Variants in FRY observed in about 807,000 individuals in gnomAD.
FRY encodes the protein protein furry homolog.
FRY carries 128 observed loss-of-function variants against 348.4 expected under a neutral mutation model. The ratio of observed to expected loss-of-function variants is 0.37; its 90% CI spans 0.32 to 0.43. The LOEUF (loss-of-function observed/expected upper bound fraction) is 0.43. Ranked by LOEUF, FRY falls within the 20% of genes least tolerant of loss-of-function variation. The pLI, the probability that FRY is intolerant of heterozygous loss-of-function variation, is 1.00. For missense variants in FRY, 2,736 were observed against 3,695.2 expected, an observed-to-expected ratio of 0.74 and a Z score of 6.73; for synonymous variants, 1,370 against 1,374.7, an observed-to-expected ratio of 1.00 and a Z score of 0.08.
At chr13:32,193,720 G>A (rs1883497348) in intron 28 of FRY, among the ~76,000 whole-genome samples, 1 of 151,392 alleles carries the variant, frequency 6.6e-6, no homozygotes, top group South Asian at 2.1e-4. Flanking sequence ...TGAGTAGCTG[G>A]GACTACAGGC....
chr13:32,221,571 G>A (rs1214852037), intron 36 of FRY, among the ~76,000 whole-genome samples: 4 of 152,222 alleles, frequency 2.6e-5, no homozygotes, highest in Admixed American at 6.5e-5. Context: ...ATAGTGCAAT[G>A]TCACGATCTT....
At chr13:32,285,625 G>A (rs185948886) in intron 58 of FRY, among the ~76,000 whole-genome samples, 128 of 152,212 alleles carry the variant, frequency 8.4e-4, no homozygotes, top group Non-Finnish European at 1.5e-3. Context: ...TTATAACCTC[G>A]TTTTGGAAAG....
At chr13:32,230,147 G>A (rs1359324094) in intron 40 of FRY, among the ~76,000 whole-genome samples, 1 of 152,160 alleles carries the variant, frequency 6.6e-6, no homozygotes, top group Non-Finnish European at 1.5e-5. Flanking sequence ...GGGGTTTGTT[G>A]TACAGGCTAT....
intron 11 of FRY, among the ~76,000 whole-genome samples, chr13:32,145,671 A>C (rs976661970): frequency 8.6e-5 from 13 of 150,722 alleles, no homozygotes; most frequent in Non-Finnish European, 1.3e-4. Flanking sequence ...CAGCCTCCCG[A>C]GTAGCTGGGA....
Position 32,237,547 on chromosome 13 carries a change from A to C in FRY, c.5979A>C (p.Arg1993=), listed in dbSNP as rs769015907. Reference sequence around the variant, plus strand: ...CCAAGAAGTTTGGTGTCATCGACCGATCCTCTGACCCACCTCGAAGTGCCA... The same window carrying C: ...CCAAGAAGTTTGGTGTCATCGACCGCTCCTCTGACCCACCTCGAAGTGCCA... The part of the protein sequence containing the change: ...SVPKKFGVID[R]SSDPPRSATL... The change falls in exon 44 of 61, where the codon CGA becomes CGC. Residue 1993 remains arginine (R), a synonymous_variant. Coordinates refer to ENST00000542859, the MANE Select transcript of FRY (RefSeq NM_023037.3). The surrounding 1 kb of genome is among the most constrained non-coding windows in gnomAD (Gnocchi z 6.3). 1 of 1,614,036 alleles carries C rather than the reference A, an allele frequency of 6.2e-7. No individual in the cohort carries two copies. The highest frequency in any genetic ancestry group is 1.1e-5 in the South Asian group (1 of 91,070).
chr13:32,110,782 G>A (rs1430432036), intron 3 of FRY, among the ~76,000 whole-genome samples: 2 of 152,082 alleles, frequency 1.3e-5, no homozygotes, highest in Non-Finnish European at 2.9e-5. Context: ...ATGTTTTTCT[G>A]TTTGAAGTAT....
intron 54 of FRY, among the ~76,000 whole-genome samples, chr13:32,266,963 G>A (rs544609238): frequency 7.9e-5 from 12 of 152,218 alleles, no homozygotes; most frequent in East Asian, 1.9e-4. Context: ...CAGCCTGGGC[G>A]ACAGAGCGAG....
At chr13:32,157,614 T>A (rs536869616) in intron 16 of FRY, among the ~76,000 whole-genome samples, 3 of 152,352 alleles carry the variant, frequency 2.0e-5, no homozygotes, top group African/African-American at 7.2e-5. Flanking sequence ...ATCTCAAGTA[T>A]CACTAGGTCA....
At chr13:32,068,448 C>T (rs1307552517) in intron 1 of FRY, among the ~76,000 whole-genome samples, 3 of 152,124 alleles carry the variant, frequency 2.0e-5, no homozygotes, top group Admixed American at 6.5e-5. Context: ...TCTTCCTTTG[C>T]GCACGGATCT....
At chr13:32,142,956 G>C (rs1257494698) in intron 11 of FRY, among the ~76,000 whole-genome samples, 4 of 152,146 alleles carry the variant, frequency 2.6e-5, no homozygotes, top group African/African-American at 9.7e-5. Context: ...TGGGACAGGA[G>C]TAGAGGGGCA....
At chr13:32,278,587 T>G in intron 58 of FRY, 39 bp downstream of exon 58, 1 of 1,044,890 alleles carries the variant, frequency 9.6e-7, no homozygotes. Context: ...TTGTGTGCTC[T>G]AACATTGTGT....
intron 3 of FRY, among the ~76,000 whole-genome samples, chr13:32,114,152 T>A (rs960522642): frequency 1.3e-5 from 2 of 152,234 alleles, no homozygotes; most frequent in African/African-American, 2.4e-5. Flanking sequence ...TTTATGGGTC[T>A]GTAGTGAGTA....
intron 35 of FRY, among the ~76,000 whole-genome samples, chr13:32,213,261 G>A (rs1218505126): frequency 6.6e-6 from 1 of 152,174 alleles, no homozygotes; most frequent in Non-Finnish European, 1.5e-5. Context: ...GTGTATTGGG[G>A]CACAGTAGGG....
intron 2 of FRY, among the ~76,000 whole-genome samples, chr13:32,085,163 C>T (rs1423188916): frequency 6.6e-6 from 1 of 152,176 alleles, no homozygotes. Flanking sequence ...CAGCCTCCTA[C>T]TTTCAGGCAT....
intron 11 of FRY, among the ~76,000 whole-genome samples, chr13:32,142,843 C>A (rs1391863190): frequency 6.6e-6 from 1 of 152,104 alleles, no homozygotes; most frequent in African/African-American, 2.4e-5. Flanking sequence ...ATGAACAAAT[C>A]AGAATGCCTG....
At chr13:32,223,243 C>T (rs938247835) in intron 36 of FRY, among the ~76,000 whole-genome samples, 3 of 152,118 alleles carry the variant, frequency 2.0e-5, no homozygotes, top group Non-Finnish European at 1.5e-5. Flanking sequence ...CAGGGGTGAG[C>T]TACCGCGACC....
At chr13:32,058,752 A>G (rs753151622) in intron 1 of FRY, among the ~76,000 whole-genome samples, 16 of 152,234 alleles carry the variant, frequency 1.1e-4, no homozygotes, top group African/African-American at 1.7e-4. Context: ...GAATTCAGCT[A>G]TATTTTGGAT....
chr13:32,242,093 A>G (rs1009464381), intron 46 of FRY, among the ~76,000 whole-genome samples: 1 of 152,230 alleles, frequency 6.6e-6, no homozygotes, highest in African/African-American at 2.4e-5. Flanking sequence ...TTGCTTAACC[A>G]TCTCCCTTTT....
At position 32,078,980 on chromosome 13, in the gene FRY, A is replaced by G; in HGVS notation, c.217A>G (p.Asn73Asp). The change falls in exon 2 of 61, where the codon AAC (asparagine) becomes GAC (aspartate). Residue 73 changes from asparagine (N) to aspartate (D), a missense_variant. Around this residue, in one of 9 missense-constraint regions of FRY, gnomAD observed 309 missense variants for 418.1 expected, o/e 0.74. Transcript: ENST00000542859. The part of the protein sequence containing the change: ...GEYVLKSLFV[N>D]FTTQAERKIR... ...ATATGTCCTCAAAAGTTTATTTGTCAACTTCACCACTCAGGCTGAACGCAA... is the reference window on the plus strand; with the variant it reads ...ATATGTCCTCAAAAGTTTATTTGTCGACTTCACCACTCAGGCTGAACGCAA... 6.2e-7 allele frequency: 1 copy of G among 1,614,048 alleles called. No homozygotes were observed. Among genetic ancestry groups the G allele is most frequent in the Non-Finnish European group, 8.5e-7 (1 of 1,179,916 alleles).
Sources: gnomAD v4.1 joint callset for allele counts (sites outside exome capture counted in the v4.1 genomes callset) on GRCh38, gnomAD v4.1.1 for gene constraint, gnomAD v4.1.1 regional missense constraint, Gnocchi (gnomAD v3.1) non-coding constraint, MANE v1.5 for transcripts, NCBI Gene and HGNC (gene_info 2026-07-23, HGNC 2026-07-21) for gene names.